ROBO1: variants seen among roughly 807,000 people sequenced by gnomAD.
The protein encoded by ROBO1 is roundabout homolog 1.
In ROBO1, 149 loss-of-function variants were observed where a neutral mutation model predicts 195.9. The ratio of observed to expected loss-of-function variants is 0.76; its 90% confidence interval spans 0.67 to 0.87. The LOEUF (loss-of-function observed/expected upper bound fraction) is 0.87. Ranked by LOEUF, ROBO1 falls within the 40% of genes least tolerant of loss-of-function variation. The pLI is 0.00. For synonymous variants in ROBO1, 816 were observed against 733.2 expected (o/e 1.11, Z -1.82); for missense variants, 1,933 against 2,068.3 (o/e 0.93, Z 1.27).
rs149296178 is a variant in ROBO1 at position 78,812,386 on chromosome 3, C to T, written c.500-65486G>A. On this transcript the variant is annotated intron_variant, in intron 4 of 30. Coordinates refer to ENST00000464233, the MANE Select transcript of ROBO1 (RefSeq NM_002941.4). ...AGTCCTGCCATTTACTTTAATGCCT[C>T]GGGCACATTTTTCTTCCTTCAGGGC... Among the ~76,000 whole-genome samples the T allele has an allele frequency of 4.7e-4, 72 of 152,188 alleles. No individual in the cohort carries two copies. The East Asian group carries it at 9.1e-3, about 19-fold the overall frequency.
At chr3:78,625,192 CA>C (rs1704687448) in intron 26 of ROBO1, among the ~76,000 whole-genome samples, 1 of 152,148 alleles carries the variant, frequency 6.6e-6, no homozygotes, top group South Asian at 2.1e-4. Context: ...CCTGCCCTAG[CA>C]GCTGTAGGAA....
intron 2 of ROBO1, among the ~76,000 whole-genome samples, chr3:79,320,109 T>C (rs1274888703): frequency 5.3e-5 from 8 of 152,168 alleles, no homozygotes; most frequent in Admixed American, 5.2e-4. Flanking sequence ...AACAGAAAAT[T>C]ATTTCTCACA....
chr3:79,372,369 C>A (rs1211517632), intron 2 of ROBO1, among the ~76,000 whole-genome samples: 3 of 151,956 alleles, frequency 2.0e-5, no homozygotes, highest in African/African-American at 7.3e-5. Context: ...CCACCACACC[C>A]AGCTAATTTT....
At chr3:79,403,023 A>T (rs2037420950) in intron 2 of ROBO1, among the ~76,000 whole-genome samples, 1 of 151,878 alleles carries the variant, frequency 6.6e-6, no homozygotes, top group Non-Finnish European at 1.5e-5. Flanking sequence ...CTGCTTAATT[A>T]AGTGACTCAG....
At chr3:78,956,378 T>A (rs536517571) in intron 3 of ROBO1, among the ~76,000 whole-genome samples, 6 of 152,276 alleles carry the variant, frequency 3.9e-5, no homozygotes, top group Admixed American at 2.0e-4. Flanking sequence ...ATTTATCATT[T>A]TGTATTTTAA....
intron 3 of ROBO1, among the ~76,000 whole-genome samples, chr3:79,086,428 T>G (rs895622779): frequency 1.3e-5 from 2 of 152,176 alleles, no homozygotes; most frequent in African/African-American, 4.8e-5. Flanking sequence ...TGTTTGATGA[T>G]TACTAGAGTA....
At chr3:79,021,971 T>C (rs1031096769) in intron 3 of ROBO1, among the ~76,000 whole-genome samples, 2 of 152,196 alleles carry the variant, frequency 1.3e-5, no homozygotes, top group Admixed American at 1.3e-4. Context: ...CTAGAGATGA[T>C]ATTTCCGAGG....
intron 26 of ROBO1, among the ~76,000 whole-genome samples, chr3:78,620,308 T>G (rs539299153): frequency 2.6e-5 from 4 of 151,656 alleles, no homozygotes; most frequent in Non-Finnish European, 4.4e-5. Flanking sequence ...CATCAGGAGT[T>G]CAAGACCAGC....
At chr3:78,743,683 G>C (rs1185108191) in intron 5 of ROBO1, among the ~76,000 whole-genome samples, 7 of 152,112 alleles carry the variant, frequency 4.6e-5, no homozygotes, top group Non-Finnish European at 1.0e-4. Flanking sequence ...GAGACGACAG[G>C]TGTGGGGTAG....
At chr3:79,059,228 C>A (rs554102684) in intron 3 of ROBO1, among the ~76,000 whole-genome samples, 1 of 151,998 alleles carries the variant, frequency 6.6e-6, no homozygotes, top group African/African-American at 2.4e-5. Context: ...TATCATTGGA[C>A]ATAACTAAAT....
intron 2 of ROBO1, among the ~76,000 whole-genome samples, chr3:79,385,773 C>T (rs754879662): frequency 6.6e-6 from 1 of 151,966 alleles, no homozygotes; most frequent in Non-Finnish European, 1.5e-5. Flanking sequence ...AACAAACAAA[C>T]ATTTAATAAA....
At chr3:79,691,517 C>A (rs895287558) in intron 1 of ROBO1, among the ~76,000 whole-genome samples, 2 of 151,420 alleles carry the variant, frequency 1.3e-5, no homozygotes, top group Non-Finnish European at 2.9e-5. Flanking sequence ...TTGAACAATG[C>A]ATTACTACTA....
chr3:79,669,610 G>T (rs1205635404), intron 1 of ROBO1, among the ~76,000 whole-genome samples: 1 of 151,852 alleles, frequency 6.6e-6, no homozygotes, highest in Non-Finnish European at 1.5e-5. Context: ...CTACGTTTGT[G>T]TAAGTGCACT....
chr3:79,510,400 A>G (rs532610313), intron 2 of ROBO1, among the ~76,000 whole-genome samples: 1 of 152,270 alleles, frequency 6.6e-6, no homozygotes, highest in African/African-American at 2.4e-5. Context: ...CTGTGAGTCA[A>G]TTAAACCTCT....
At chr3:79,040,809 CA>C (rs2078473616) in intron 3 of ROBO1, among the ~76,000 whole-genome samples, 1 of 152,106 alleles carries the variant, frequency 6.6e-6, no homozygotes, top group Non-Finnish European at 1.5e-5. Flanking sequence ...CTTTTCAACA[CA>C]AAGTATTCAA....
At chr3:79,084,311 C>T (rs556958050) in intron 3 of ROBO1, among the ~76,000 whole-genome samples, 26 of 152,188 alleles carry the variant, frequency 1.7e-4, no homozygotes, top group African/African-American at 6.3e-4. Flanking sequence ...TCAGCCTGAC[C>T]AACATGGAGA....
intron 2 of ROBO1, among the ~76,000 whole-genome samples, chr3:79,433,255 C>T (rs564462125): frequency 6.6e-6 from 1 of 152,252 alleles, no homozygotes; most frequent in Non-Finnish European, 1.5e-5. Context: ...CATTCAGCTC[C>T]CACTTAAAAG....
At chr3:79,034,513 C>A (rs2078349842) in intron 3 of ROBO1, among the ~76,000 whole-genome samples, 1 of 151,976 alleles carries the variant, frequency 6.6e-6, no homozygotes, top group African/African-American at 2.4e-5. Context: ...ATTTCCAACT[C>A]TAGGAAGCTA....
intron 1 of ROBO1, among the ~76,000 whole-genome samples, chr3:79,711,403 T>G (rs1424736315): frequency 6.6e-6 from 1 of 152,190 alleles, no homozygotes. Context: ...ACACAGAGAT[T>G]ACGTGTAAGA....
Sources: gnomAD v4.1 joint callset for allele counts (sites outside exome capture counted in the v4.1 genomes callset) on GRCh38, gnomAD v4.1.1 for gene constraint, MANE v1.5 for transcripts, NCBI Gene and HGNC (gene_info 2026-07-23, HGNC 2026-07-21) for gene names.